Variants in RAB27B observed in about 807,000 individuals in gnomAD.
The protein encoded by RAB27B is ras-related protein Rab-27B.
Under a neutral mutation model 24.6 loss-of-function variants are expected in RAB27B, and 15 were observed. That is an observed-to-expected ratio of 0.61 (90% CI 0.41 to 0.94). The LOEUF (loss-of-function observed/expected upper bound fraction) is 0.94, where lower values mean the gene tolerates loss of function less well. Ranked by LOEUF, RAB27B falls within the 40% of genes least tolerant of loss-of-function variation. The pLI is 0.00. For missense variants in RAB27B, 261 were observed against 266.8 expected (o/e 0.98, Z 0.15); for synonymous variants, 105 against 92.5 (o/e 1.14, Z -0.78).
intron 2 of RAB27B, among the ~76,000 whole-genome samples, chr18:54,787,986 G>T (rs528224713): frequency 6.6e-6 from 1 of 152,360 alleles, no homozygotes; most frequent in East Asian, 1.9e-4. Flanking sequence ...CTCAGAACTT[G>T]CTATTGTGGC....
intron 1 of RAB27B, among the ~76,000 whole-genome samples, chr18:54,859,098 C>G (rs146454336): frequency 6.6e-6 from 1 of 152,118 alleles, no homozygotes; most frequent in East Asian, 1.9e-4. Context: ...AGGGCAGTGA[C>G]TTTGCAGAGA....
chr18:54,818,787 G>A (rs943946674), intron 2 of RAB27B, among the ~76,000 whole-genome samples: 1 of 152,154 alleles, frequency 6.6e-6, no homozygotes, highest in African/African-American at 2.4e-5. Flanking sequence ...AGAAATGCAA[G>A]AAAATGAGAA....
chr18:54,849,009 T>C (rs1911448820), intron 1 of RAB27B, among the ~76,000 whole-genome samples: 1 of 152,160 alleles, frequency 6.6e-6, no homozygotes, highest in South Asian at 2.1e-4. Context: ...AATGGAGCCA[T>C]CACCAGGCCA....
At chr18:54,886,501 A>G (rs1049582912) in intron 4 of RAB27B, among the ~76,000 whole-genome samples, 1 of 152,132 alleles carries the variant, frequency 6.6e-6, no homozygotes, top group Non-Finnish European at 1.5e-5. Flanking sequence ...GTGTGGGTTC[A>G]ATAACCTTGT....
chr18:54,869,610 G>A (rs1030256003), intron 1 of RAB27B, among the ~76,000 whole-genome samples: 3 of 152,174 alleles, frequency 2.0e-5, no homozygotes, highest in Admixed American at 2.0e-4. Flanking sequence ...TTAGAAGATA[G>A]AGCAGTGCTG....
intron 2 of RAB27B, among the ~76,000 whole-genome samples, chr18:54,806,558 T>G (rs1332176212): frequency 2.7e-5 from 4 of 148,286 alleles, no homozygotes; most frequent in Non-Finnish European, 5.9e-5. Context: ...TAAGCCACAA[T>G]TATATATTAT....
chr18:54,826,950 T>A (rs955539294), upstream of RAB27B, among the ~76,000 whole-genome samples: 2 of 152,222 alleles, frequency 1.3e-5, no homozygotes, highest in East Asian at 1.9e-4. Flanking sequence ...ACACATGAAC[T>A]AGATAAAGAA....
At chr18:54,740,064 T>C (rs1412443665) in intron 2 of RAB27B, among the ~76,000 whole-genome samples, 2 of 152,206 alleles carry the variant, frequency 1.3e-5, no homozygotes, top group African/African-American at 2.4e-5. Context: ...TCATAACAGC[T>C]TAATTTGATA....
At chr18:54,766,186 A>T (rs559789236) in intron 2 of RAB27B, among the ~76,000 whole-genome samples, 10 of 152,292 alleles carry the variant, frequency 6.6e-5, no homozygotes, top group Non-Finnish European at 1.0e-4. Context: ...CATCATCTTC[A>T]TGGTAGACCC....
At chr18:54,778,373 G>T (rs1182468156) in intron 2 of RAB27B, among the ~76,000 whole-genome samples, 1 of 152,212 alleles carries the variant, frequency 6.6e-6, no homozygotes, top group Admixed American at 6.5e-5. Flanking sequence ...GAAGGCAACT[G>T]ATCTTTGAGT....
intron 2 of RAB27B, among the ~76,000 whole-genome samples, chr18:54,768,010 A>T (rs551004693): frequency 6.6e-6 from 1 of 152,232 alleles, no homozygotes; most frequent in African/African-American, 2.4e-5. Flanking sequence ...GCTAATAGAG[A>T]CTTGGAGAGG....
At chr18:54,736,177 G>A (rs560654773) in intron 2 of RAB27B, among the ~76,000 whole-genome samples, 6 of 152,242 alleles carry the variant, frequency 3.9e-5, no homozygotes, top group Admixed American at 2.0e-4. Context: ...TAAGGCAACC[G>A]CAGTATCTAA....
At chr18:54,750,177 T>C (rs992030495) in intron 2 of RAB27B, among the ~76,000 whole-genome samples, 1 of 152,182 alleles carries the variant, frequency 6.6e-6, no homozygotes, top group African/African-American at 2.4e-5. Context: ...TCCTTCCATT[T>C]TTTATCAATT....
chr18:54,751,333 C>T (rs1907824007), intron 2 of RAB27B, among the ~76,000 whole-genome samples: 1 of 152,082 alleles, frequency 6.6e-6, no homozygotes, highest in South Asian at 2.1e-4. Flanking sequence ...CAAGTTCTAG[C>T]TTGGTTGACT....
intron 1 of RAB27B, among the ~76,000 whole-genome samples, chr18:54,850,619 G>T (rs1478795871): frequency 6.6e-6 from 1 of 151,098 alleles, no homozygotes; most frequent in Non-Finnish European, 1.5e-5. Context: ...ACCTATCCTG[G>T]CCTCCCAAAG....
intron 1 of RAB27B, among the ~76,000 whole-genome samples, chr18:54,854,057 G>C (rs570606606): frequency 1.1e-3 from 168 of 152,284 alleles, no homozygotes; most frequent in African/African-American, 3.9e-3. Context: ...ATTAGTGAAA[G>C]TACAGATTAT....
At chr18:54,727,879 G>T (rs990949128) in intron 2 of RAB27B, among the ~76,000 whole-genome samples, 10 of 151,980 alleles carry the variant, frequency 6.6e-5, no homozygotes, top group Admixed American at 3.3e-4. Context: ...GTGTTTTATT[G>T]CTTCATATGT....
chr18:54,795,616 G>C (rs1303909700), intron 2 of RAB27B, among the ~76,000 whole-genome samples: 1 of 152,202 alleles, frequency 6.6e-6, no homozygotes, highest in Non-Finnish European at 1.5e-5. Flanking sequence ...GATCTAGTAA[G>C]TTTCAATCCT....
chr18:54,793,514 T>G (rs1568067973), intron 2 of RAB27B, among the ~76,000 whole-genome samples: 2 of 152,194 alleles, frequency 1.3e-5, no homozygotes, highest in South Asian at 2.1e-4. Flanking sequence ...CCTTTTCACA[T>G]GGTTTTCCCA....
Sources: allele counts gnomAD v4.1 joint callset (sites outside exome capture counted in the v4.1 genomes callset), GRCh38; gene constraint gnomAD v4.1.1; transcripts MANE v1.5; gene names NCBI Gene and HGNC (gene_info 2026-07-23, HGNC 2026-07-21).